The following IFT80 variants were observed in gnomAD, a reference collection of about 807,000 sequenced individuals.
IFT80 encodes intraflagellar transport protein 80 homolog.
Under a neutral mutation model 107.9 loss-of-function variants are expected in IFT80, and 79 were observed. The ratio of observed to expected loss-of-function variants is 0.73; its 90% confidence interval spans 0.61 to 0.88. The LOEUF is 0.88. IFT80 is among the 40% of genes least tolerant of loss of function. The pLI, the probability that IFT80 is intolerant of heterozygous loss-of-function variation, is 0.00. For synonymous variants in IFT80, 299 were observed against 300.9 expected, an observed-to-expected ratio of 0.99 and a Z score of 0.07; for missense variants, 797 against 914.2, an observed-to-expected ratio of 0.87 and a Z score of 1.65.
intron 12 of IFT80, among the ~76,000 whole-genome samples, chr3:160,297,317 A>G (rs1716061386): frequency 1.3e-5 from 2 of 152,300 alleles, no homozygotes; most frequent in African/African-American, 4.8e-5. Flanking sequence ...AAATTACTCC[A>G]GCCCAAGATT....
intron 3 of IFT80, chr3:160,377,743 C>G (rs543871969): frequency 2.5e-6 from 1 of 401,552 alleles, no homozygotes; most frequent in South Asian, 3.7e-5. Context: ...AATGCATATG[C>G]TTACGTGGTT....
intron 8 of IFT80, among the ~76,000 whole-genome samples, chr3:160,348,127 T>C (rs1720430644): frequency 6.6e-6 from 1 of 152,178 alleles, no homozygotes; most frequent in Non-Finnish European, 1.5e-5. Flanking sequence ...ATTTACTTCT[T>C]TATTTTATAT....
chr3:160,335,801 T>C (rs184441408), intron 8 of IFT80, among the ~76,000 whole-genome samples: 2 of 152,274 alleles, frequency 1.3e-5, no homozygotes, highest in Admixed American at 1.3e-4. Flanking sequence ...GGAAACCCCA[T>C]ATCCATCAGA....
chr3:160,325,865 C>T (rs1718642012), intron 8 of IFT80, among the ~76,000 whole-genome samples: 2 of 151,906 alleles, frequency 1.3e-5, no homozygotes, highest in African/African-American at 2.4e-5. Context: ...GCATCATGTT[C>T]GTGCTCAAAA....
In IFT80 at chr3:160,371,499, C is replaced by T. The variant is rs1429483942; in HGVS notation, c.439+4313G>A. Among the ~76,000 whole-genome samples, 5 of 152,112 alleles carry T rather than the reference C, an allele frequency of 3.3e-5. No homozygotes were observed. In the East Asian group the frequency reaches 7.7e-4, roughly 23 times the overall value. On this transcript the variant is annotated intron_variant, in intron 5 of 19. Coordinates refer to ENST00000326448, the MANE Select transcript of IFT80 (RefSeq NM_020800.3). ...CTCTGGTGCCCAGGCTGGAGTGCAG[C>T]GGCATGATCACAGCTCACTGTAGCC... is the stretch of plus-strand genomic sequence containing the variant.
chr3:160,381,745 C>T, intron 2 of IFT80, 21 bp from the exon 3 acceptor site: 2 of 1,577,850 alleles, frequency 1.3e-6, no homozygotes, highest in African/African-American at 1.3e-5. Flanking sequence ...GTTAAAGAGA[C>T]ATAAAACATA....
intron 8 of IFT80, among the ~76,000 whole-genome samples, chr3:160,333,073 T>A (rs975976129): frequency 2.0e-5 from 3 of 152,212 alleles, no homozygotes; most frequent in Non-Finnish European, 4.4e-5. Flanking sequence ...ATCAAGCACC[T>A]TACTGAATAC....
chr3:160,268,283 G>A, intron 19 of IFT80, 130 bp downstream of exon 19: 1 of 802,976 alleles, frequency 1.2e-6, no homozygotes, highest in East Asian at 2.8e-5. Flanking sequence ...GATGTCATAA[G>A]GCAAAAAGTA....
intron 10 of IFT80, among the ~76,000 whole-genome samples, chr3:160,304,704 G>A (rs1179195514): frequency 6.6e-6 from 1 of 152,036 alleles, no homozygotes. Flanking sequence ...CAAAGTGCTG[G>A]GATTACAGGC....
chr3:160,384,721 A>G (rs1712792088), intron 1 of IFT80, 75 bp from the exon 2 acceptor site: 2 of 1,140,358 alleles, frequency 1.8e-6, no homozygotes, highest in African/African-American at 3.2e-5. Flanking sequence ...CAAAAGGCAA[A>G]CAAAACATCA....
chr3:160,315,840 G>C (rs1252400980), intron 9 of IFT80, among the ~76,000 whole-genome samples: 5 of 152,052 alleles, frequency 3.3e-5, no homozygotes, highest in African/African-American at 9.7e-5. Flanking sequence ...CTTTTTTTTA[G>C]AAAGGGGATG....
intron 5 of IFT80, among the ~76,000 whole-genome samples, chr3:160,370,929 C>G (rs1032339188): frequency 6.6e-6 from 1 of 152,126 alleles, no homozygotes; most frequent in Admixed American, 6.6e-5. Flanking sequence ...TTACTGGCCA[C>G]CTCTATTTAA....
At chr3:160,396,097 T>C (rs930142041) in intron 1 of IFT80, among the ~76,000 whole-genome samples, 2 of 151,986 alleles carry the variant, frequency 1.3e-5, no homozygotes, top group African/African-American at 4.8e-5. Context: ...TGAATATATC[T>C]TTCCAGAATT....
chr3:160,260,246 T>A (rs1712711305), intron 19 of IFT80, among the ~76,000 whole-genome samples: 1 of 152,154 alleles, frequency 6.6e-6, no homozygotes, highest in South Asian at 2.1e-4. Context: ...AAGATGCAAG[T>A]GACAGCTCAT....
chr3:160,315,061 G>GAGGGAGGGAGGT (rs1717700533), intron 9 of IFT80, among the ~76,000 whole-genome samples: 1 of 66,708 alleles, frequency 1.5e-5, no homozygotes, highest in African/African-American at 6.1e-5. Flanking sequence ...GGAAGGGAGG[G>GAGGGAGGGAGGT]AGGGAGGGAG....
intron 8 of IFT80, among the ~76,000 whole-genome samples, chr3:160,334,601 G>C (rs1236451947): frequency 6.6e-6 from 1 of 152,114 alleles, no homozygotes; most frequent in African/African-American, 2.4e-5. Context: ...ATTTTTAGTA[G>C]AGACGGGGTT....
chr3:160,354,259 C>G (rs1040475255), intron 8 of IFT80, among the ~76,000 whole-genome samples: 11 of 152,060 alleles, frequency 7.2e-5, no homozygotes, highest in South Asian at 2.1e-4. Flanking sequence ...AAGGAGGGAC[C>G]TAGCAGAAAA....
At chr3:160,347,211 G>A (rs1391452815) in intron 8 of IFT80, among the ~76,000 whole-genome samples, 1 of 152,074 alleles carries the variant, frequency 6.6e-6, no homozygotes, top group African/African-American at 2.4e-5. Flanking sequence ...CTACCGCCAG[G>A]CTGGGAGTGG....
At chr3:160,265,811 T>C (rs1713269835) in intron 19 of IFT80, among the ~76,000 whole-genome samples, 2 of 152,188 alleles carry the variant, frequency 1.3e-5, no homozygotes, top group Non-Finnish European at 2.9e-5. Flanking sequence ...CTAGAATAAA[T>C]TTCTCAATGT....
Sources: gnomAD v4.1 joint callset for allele counts (sites outside exome capture counted in the v4.1 genomes callset) on GRCh38, gnomAD v4.1.1 for gene constraint, MANE v1.5 for transcripts, NCBI Gene and HGNC (gene_info 2026-07-23, HGNC 2026-07-21) for gene names.